The following CEACAM16 variants were observed in gnomAD, a reference collection of about 807,000 sequenced individuals.
The protein encoded by CEACAM16 is CEA cell adhesion molecule 16, tectorial membrane component, also known as cell adhesion molecule CEACAM16.
In CEACAM16, 30 loss-of-function variants were observed where a neutral mutation model predicts 39.4. That is an observed-to-expected ratio of 0.76 (90% CI 0.57 to 1.03). CEACAM16 has a LOEUF of 1.03. CEACAM16 is among the 50% of genes least tolerant of loss of function. The probability of loss-of-function intolerance (pLI) is 0.00; values close to 1 mark genes in which losing one functional copy is unlikely to be tolerated. For synonymous variants in CEACAM16, 262 were observed against 264.9 expected (o/e 0.99, Z 0.11); for missense variants, 521 against 585.3 (o/e 0.89, Z 1.13).
At chr19:44,708,583 T>C (rs866353392) in intron 6 of CEACAM16, among the ~76,000 whole-genome samples, 6 of 152,104 alleles carry the variant, frequency 3.9e-5, no homozygotes, top group Non-Finnish European at 4.4e-5. Context: ...GGGTAATGGG[T>C]TAATTATAGG....
chr19:44,704,013 C>T lies in CEACAM16; in HGVS notation c.383-5C>T. On this transcript the variant is annotated splice_region_variant and splice_polypyrimidine_tract_variant and intron_variant, in intron 3 of 6. Transcript: ENST00000587331. The stretch of plus-strand genomic sequence containing the variant: ...CCCCTCCCCCTCTGTCTCTTGCCCC[C>T]ACAGAGATCCTGGCCCAGCCCACAG... 6.3e-7 allele frequency: 1 copy of T among 1,587,094 alleles called. No homozygotes were observed. The highest frequency in any genetic ancestry group is 1.7e-5 in the Admixed American group (1 of 59,080).
At chr19:44,703,891 C>A in intron 3 of CEACAM16, 127 bp from the exon 4 acceptor site, 1 of 1,214,324 alleles carries the variant, frequency 8.2e-7, no homozygotes, top group Non-Finnish European at 1.1e-6. Flanking sequence ...TAAAACCATT[C>A]TTTGTCCCTC....
rs149699571 is a variant in CEACAM16 at position 44,706,135 on chromosome 19, G to A, written c.940+267G>A. On this transcript the variant is annotated intron_variant, in intron 5 of 6. Coordinates refer to ENST00000587331, the MANE Select transcript of CEACAM16 (RefSeq NM_001039213.4). Reference sequence around the variant, plus strand: ...ATCACTCAGATATCACTTCAGGTGGGTGCCACTGCTCTAAATTCAGTCACC... The same window carrying A: ...ATCACTCAGATATCACTTCAGGTGGATGCCACTGCTCTAAATTCAGTCACC... Among the ~76,000 whole-genome samples, 135 of 152,188 alleles carry A rather than the reference G, an allele frequency of 8.9e-4. 2 individuals are homozygous for A. The highest frequency in any genetic ancestry group is 6.7e-3 in the Admixed American group (103 of 15,276).
At position 44,701,613 on chromosome 19, in the gene CEACAM16, G is replaced by A. The variant is rs761119641; in HGVS notation, c.37+120G>A. 40 of 999,988 alleles carry A rather than the reference G, an allele frequency of 4.0e-5. No individual in the cohort carries two copies. The highest frequency in any genetic ancestry group is 5.8e-5 in the Non-Finnish European group (38 of 659,946). 61.9% of individuals were successfully genotyped at this position (999,988 alleles called of 1,614,324 possible). On this transcript the variant is annotated intron_variant, in intron 2 of 6. Transcript: ENST00000587331. The surrounding 1 kb of genome is among the most constrained non-coding windows in gnomAD (Gnocchi z 4.0). ...AAGTCCAGCGTGCTAGGGAGGGAGGGCAGCCCTGCTTCACACCGGCAGTTT... is the reference window on the plus strand; with the variant it reads ...AAGTCCAGCGTGCTAGGGAGGGAGGACAGCCCTGCTTCACACCGGCAGTTT...
chr19:44,709,581 G>A lies in CEACAM16; in HGVS notation c.1268-915G>A, dbSNP rs1029295874. On this transcript the variant is annotated intron_variant, in intron 6 of 6. Coordinates refer to ENST00000587331, the MANE Select transcript of CEACAM16 (RefSeq NM_001039213.4). ...GTCTATGTCTCCTCCATCAGACCGG[G>A]AGCTCCCAGAGGCATGGTCCATGTC... Among the ~76,000 whole-genome samples the A allele has an allele frequency of 4.9e-5, 7 of 143,260 alleles. 1 individual carries two copies. The highest frequency in any genetic ancestry group is 3.8e-3 in the Middle Eastern group (1 of 266). 94.0% of individuals were successfully genotyped at this position (143,260 alleles called of 152,430 possible).
At position 44,704,154 on chromosome 19, in the gene CEACAM16, C is replaced by T. The variant is rs114645388; in HGVS notation, c.519C>T (p.Val173=). The T allele has an allele frequency of 1.4e-4, 227 of 1,589,278 alleles. No individual in the cohort carries two copies. The African/African-American group carries it at 2.7e-3, about 19-fold the overall frequency. ...RWFFNGGALP[V]ALRLGLSPDG... ...TCTTCAACGGTGGGGCCCTGCCCGT[C>T]GCTCTCCGCCTGGGCCTGTCCCCTG... Residue 173 remains valine, a synonymous_variant, in exon 4 of 7, where the codon GTC becomes GTT. Transcript: ENST00000587331.
chr19:44,704,613 T>C (rs1046602706), intron 4 of CEACAM16, among the ~76,000 whole-genome samples: 3 of 151,942 alleles, frequency 2.0e-5, no homozygotes, highest in African/African-American at 7.3e-5. Flanking sequence ...ATGCCTGTAG[T>C]CCCAGCCACT....
chr19:44,704,201 A>G lies in CEACAM16; in HGVS notation c.566A>G (p.His189Arg). Reference sequence around the variant, plus strand: ...CCTGACGGCCGGGTGCTGGCCAGGCATGGCATCCGCCGGGAGGAGGCCGGC... The same window carrying G: ...CCTGACGGCCGGGTGCTGGCCAGGCGTGGCATCCGCCGGGAGGAGGCCGGC... Reference protein sequence around the residue: ...LSPDGRVLARHGIRREEAGAY... With the variant: ...LSPDGRVLARRGIRREEAGAY... The change falls in exon 4 of 7, where the codon CAT (histidine) becomes CGT (arginine). Residue 189 changes from histidine to arginine, a missense_variant. His to Arg is a conservative substitution (Grantham distance 29). Coordinates refer to ENST00000587331, the MANE Select transcript of CEACAM16 (RefSeq NM_001039213.4). 6.4e-7 allele frequency: 1 copy of G among 1,560,716 alleles called. No individual in the cohort carries two copies. The highest frequency in any genetic ancestry group is 1.2e-5 in the South Asian group (1 of 84,866).
chr19:44,699,421 A>G (rs1226316814), intron 1 of CEACAM16, 161 bp downstream of exon 1: 3 of 472,400 alleles, frequency 6.4e-6, no homozygotes, highest in African/African-American at 6.0e-5. Context: ...AACTATGTCC[A>G]GAGCCTATAC....
Position 44,701,259 on chromosome 19 carries a change from C to T in CEACAM16, c.-96-102C>T. On this transcript the variant is annotated intron_variant, in intron 1 of 6. Transcript: ENST00000587331. This position sits in a 1 kb window ranked among gnomAD's most constrained non-coding sequence, Gnocchi z 4.0. The stretch of plus-strand genomic sequence containing the variant: ...GTCACGGCCTCTGGCCGGTGCCCGC[C>T]ACACCCACCCTGGTACCCAAACCGG... 3.0e-6 allele frequency: 2 copies of T among 675,562 alleles called. No homozygotes were observed. The highest frequency in any genetic ancestry group is 2.7e-5 in the East Asian group (1 of 36,952). 41.8% of individuals were successfully genotyped at this position (675,562 alleles called of 1,614,324 possible).
At position 44,701,442 on chromosome 19, in the gene CEACAM16, G is replaced by A. The variant is rs374411449; in HGVS notation, c.-15G>A. 1.7e-5 allele frequency: 26 copies of A among 1,560,986 alleles called. No individual in the cohort carries two copies. The African/African-American group carries it at 1.9e-4, about 11-fold the overall frequency. ...TTCAACGCCACCATCTCCAAGACTCGGTTTGGGGTGAAAGATGGCGCTGAC... is the reference window on the plus strand; with the variant it reads ...TTCAACGCCACCATCTCCAAGACTCAGTTTGGGGTGAAAGATGGCGCTGAC... On this transcript the variant is annotated 5_prime_UTR_variant, in exon 2 of 7. Coordinates refer to ENST00000587331, the MANE Select transcript of CEACAM16 (RefSeq NM_001039213.4). This position sits in a 1 kb window ranked among gnomAD's most constrained non-coding sequence, Gnocchi z 4.0.
chr19:44,710,567 C>A lies in CEACAM16; in HGVS notation c.*61C>A. 1.2e-6 allele frequency: 2 copies of A among 1,608,218 alleles called. No individual in the cohort carries two copies. The highest frequency in any genetic ancestry group is 1.7e-6 in the Non-Finnish European group (2 of 1,174,816). On this transcript the variant is annotated 3_prime_UTR_variant, in exon 7 of 7. Coordinates refer to ENST00000587331, the MANE Select transcript of CEACAM16 (RefSeq NM_001039213.4). The stretch of plus-strand genomic sequence containing the variant: ...CTTCGCACCATCCTCTGGTCCTCGC[C>A]CTCTGAGTGGGAACCACTCCCCCAC...
Position 44,705,602 on chromosome 19 carries a change from G to C in CEACAM16, c.674G>C (p.Arg225Pro). Residue 225 changes from arginine (R) to proline (P), a missense_variant, in exon 5 of 7, where the codon CGT becomes CCT. Coordinates refer to ENST00000587331, the MANE Select transcript of CEACAM16 (RefSeq NM_001039213.4). Reference protein sequence around the residue: ...INLTVYFGPERVAILQDSTTR... With the variant: ...INLTVYFGPEPVAILQDSTTR... ...CCTGCCCCCACAGTTGGCCCAGAGCGTGTGGCCATCCTCCAGGATTCCACC... is the reference window on the plus strand; with the variant it reads ...CCTGCCCCCACAGTTGGCCCAGAGCCTGTGGCCATCCTCCAGGATTCCACC... 1 of 1,602,714 alleles carries C rather than the reference G, an allele frequency of 6.2e-7. No individual in the cohort carries two copies. The highest frequency in any genetic ancestry group is 8.5e-7 in the Non-Finnish European group (1 of 1,171,288).
intron 6 of CEACAM16, among the ~76,000 whole-genome samples, 175 bp downstream of exon 6, chr19:44,708,362 G>T (rs1974485612): frequency 6.6e-6 from 1 of 152,104 alleles, no homozygotes; most frequent in Non-Finnish European, 1.5e-5. Flanking sequence ...CCCCAAATAG[G>T]GTTCTGCCTC....
chr19:44,707,362 T>C (rs10421830), intron 5 of CEACAM16, among the ~76,000 whole-genome samples: 29,802 of 152,042 alleles, frequency 0.2, 4,012 homozygotes, highest in Admixed American at 0.35. Context: ...TGCCGCCTTG[T>C]AGGAATTTTC....
intron 1 of CEACAM16, among the ~76,000 whole-genome samples, chr19:44,699,770 T>G (rs1974315319): frequency 6.6e-6 from 1 of 152,204 alleles, no homozygotes; most frequent in African/African-American, 2.4e-5. Flanking sequence ...ATCCCTGACT[T>G]GTAGCCTCTC....
Position 44,707,350 on chromosome 19 carries a change from G to T in CEACAM16, c.941-511G>T, listed in dbSNP as rs563502173. On this transcript the variant is annotated intron_variant, in intron 5 of 6. Coordinates refer to ENST00000587331, the MANE Select transcript of CEACAM16 (RefSeq NM_001039213.4). ...TTCTCAATCTGATGGAGGAAACAGG[G>T]CTGCCGCCTTGTAGGAATTTTCAAT... 7.2e-5 allele frequency among the ~76,000 whole-genome samples: 11 copies of T among 152,200 alleles called. No individual in the cohort carries two copies. The South Asian group carries it at 1.5e-3, about 20-fold the overall frequency.
chr19:44,703,567 G>A lies in CEACAM16; in HGVS notation c.256G>A (p.Ala86Thr). The A allele has an allele frequency of 1.2e-6, 2 of 1,611,640 alleles. No individual in the cohort carries two copies. The highest frequency in any genetic ancestry group is 1.7e-6 in the Non-Finnish European group (2 of 1,179,268). Residue 86 changes from alanine (A) to threonine (T), a missense_variant, in exon 3 of 7, where the codon GCT (alanine) becomes ACT (threonine). Ala to Thr is a moderately conservative substitution (Grantham distance 58). Transcript: ENST00000587331. Reference sequence around the variant, plus strand: ...TGGCCCGGCCCACACGGGGCGGGAGGCTGTGCGCCCCGATGGCAGCCTGGA... The same window carrying A: ...TGGCCCGGCCCACACGGGGCGGGAGACTGTGCGCCCCGATGGCAGCCTGGA... ...TPGPAHTGRE[A>T]VRPDGSLDIQ...
chr19:44,708,792 A>C (rs1208175597), intron 6 of CEACAM16, among the ~76,000 whole-genome samples: 2 of 152,246 alleles, frequency 1.3e-5, no homozygotes, highest in East Asian at 3.8e-4. Flanking sequence ...GGAGGCCTGT[A>C]GGTGTGGAAG....
Sources: allele counts gnomAD v4.1 joint callset (sites outside exome capture counted in the v4.1 genomes callset), GRCh38; gene constraint gnomAD v4.1.1; non-coding constraint Gnocchi (gnomAD v3.1); transcripts MANE v1.5; gene names NCBI Gene and HGNC (gene_info 2026-07-23, HGNC 2026-07-21).